The following CCNH variants were observed in gnomAD, a reference collection of about 807,000 sequenced individuals.
The protein encoded by CCNH is cyclin H.
In CCNH, 31 loss-of-function variants were observed where a neutral mutation model predicts 41.9. That is an observed-to-expected ratio of 0.74 (90% CI 0.56 to 1.00). The LOEUF (loss-of-function observed/expected upper bound fraction) is 1.00. Among genes scored for constraint, CCNH ranks in the 50% least tolerant of loss-of-function variants. CCNH has a pLI of 0.00. For missense variants in CCNH, 362 were observed against 388.4 expected, an observed-to-expected ratio of 0.93 and a Z score of 0.57; for synonymous variants, 138 against 136.1, an observed-to-expected ratio of 1.01 and a Z score of -0.10.
chr5:87,320,053 C>A (rs182232692), intron 9 of CCNH, among the ~76,000 whole-genome samples: 3 of 152,308 alleles, frequency 2.0e-5, no homozygotes, highest in African/African-American at 7.2e-5. Flanking sequence ...ATCTCTAGGG[C>A]AGGGGCACAA....
At chr5:87,330,896 C>T (rs1380687661) in intron 9 of CCNH, 1 of 1,245,646 alleles carries the variant, frequency 8.0e-7, no homozygotes, top group African/African-American at 1.5e-5. Flanking sequence ...TGTCGCAGGG[C>T]ACAAACACTA....
At chr5:87,315,913 T>C (rs1289549462), downstream of CCNH, among the ~76,000 whole-genome samples, 4 of 152,212 alleles carry the variant, frequency 2.6e-5, no homozygotes, top group Non-Finnish European at 5.9e-5. Context: ...TTTCTAATTA[T>C]TGAAAGTCAT....
At chr5:87,327,960 C>G (rs1339436584) in intron 9 of CCNH, among the ~76,000 whole-genome samples, 2 of 150,202 alleles carry the variant, frequency 1.3e-5, no homozygotes, top group African/African-American at 4.9e-5. Context: ...GAGCAAGACT[C>G]CGTTTCCCAA....
At chr5:87,337,413 G>C (rs1186178332) in intron 9 of CCNH, among the ~76,000 whole-genome samples, 1 of 151,992 alleles carries the variant, frequency 6.6e-6, no homozygotes, top group African/African-American at 2.4e-5. Flanking sequence ...TGGATAATGG[G>C]TATCTGGGTG....
At chr5:87,394,664 C>T in intron 8 of CCNH, 180 bp from the exon 9 acceptor site, 1 of 1,396,186 alleles carries the variant, frequency 7.2e-7, no homozygotes, top group Non-Finnish European at 9.3e-7. Context: ...CCAGACTCCT[C>T]CAGTGAGGAA....
At chr5:87,368,042 T>C (rs1327117548) in intron 9 of CCNH, among the ~76,000 whole-genome samples, 1 of 152,182 alleles carries the variant, frequency 6.6e-6, no homozygotes, top group Non-Finnish European at 1.5e-5. Flanking sequence ...TTGTCAGTTT[T>C]AGAAAACTCT....
intron 9 of CCNH, among the ~76,000 whole-genome samples, chr5:87,325,278 C>T (rs1420281957): frequency 1.3e-5 from 2 of 152,134 alleles, no homozygotes; most frequent in Non-Finnish European, 2.9e-5. Context: ...CCCACCGGGT[C>T]GGGTCCCACC....
chr5:87,390,816 T>G, downstream of CCNH: 1 of 1,613,132 alleles, frequency 6.2e-7, no homozygotes, highest in Non-Finnish European at 8.5e-7. Context: ...TTGAAAAAGC[T>G]TCTGGCTATA....
chr5:87,338,091 G>C (rs749648509), intron 9 of CCNH: 5 of 1,611,696 alleles, frequency 3.1e-6, no homozygotes, highest in Non-Finnish European at 4.2e-6. Context: ...TAGAAGAGGT[G>C]GTAAGTTTTG....
rs1294177035 is a variant in CCNH at position 87,409,368 on chromosome 5, G to A, written c.241-5C>T. 6 of 1,502,256 alleles carry A rather than the reference G, an allele frequency of 4.0e-6. No individual in the cohort carries two copies. Among genetic ancestry groups the A allele is most frequent in the African/African-American group, 1.4e-5 (1 of 72,066 alleles). The allele number at this position is 1,502,256 out of a possible 1,614,324, so 93.1% of individuals were successfully genotyped here. ...GAAATACATACAAGCCGTACCCTAA[G>A]GGTTAAAAAAAATATATCATCAGGA... On this transcript the variant is annotated splice_polypyrimidine_tract_variant and splice_region_variant and intron_variant, in intron 2 of 8. Coordinates refer to ENST00000256897, the MANE Select transcript of CCNH (RefSeq NM_001239.4).
chr5:87,379,859 TGAAATTTTCATTTGACAA>T (rs781396921), upstream of CCNH: 1 of 1,610,970 alleles, frequency 6.2e-7, no homozygotes, highest in South Asian at 1.1e-5. Context: ...CCGTAAGTGG[TGAAATTTTCATTTGACAA>T]GAAATTGTGT....
In CCNH at chr5:87,346,863, C is replaced by G. The variant is rs563512986; in HGVS notation, c.*91-27966G>C. 13 of 563,108 alleles carry G rather than the reference C, an allele frequency of 2.3e-5. No homozygotes were observed. The East Asian group carries it at 3.8e-4, about 16-fold the overall frequency. The allele number at this position is 563,108 out of a possible 1,614,324, so 34.9% of individuals were successfully genotyped here. ...TAATTTCGTGTCCAGTACTAAGAAG[C>G]TGGTGTTTTTATTTATATTTTAAAC... On this transcript the variant is annotated intron_variant and NMD_transcript_variant, in intron 9 of 9. Coordinates refer to the CCNH transcript ENST00000645953.
At position 87,344,678 on chromosome 5, in the gene CCNH, AT is replaced by A. The variant is rs113174684; in HGVS notation, c.*91-25782del. Reference sequence around the variant, plus strand: ...ACCACCACACCTGGCAAATGTTGTAATTTTTTTTTTTTTTTTTTTTTGTAAA... The same window carrying A: ...ACCACCACACCTGGCAAATGTTGTAATTTTTTTTTTTTTTTTTTTTGTAAA... On this transcript the variant is annotated intron_variant and NMD_transcript_variant, in intron 9 of 9. Coordinates refer to the CCNH transcript ENST00000645953. Among the ~76,000 whole-genome samples the A allele has an allele frequency of 9.6e-3, 1,253 of 131,194 alleles. 10 individuals are homozygous for A. Among genetic ancestry groups the A allele is most frequent in the African/African-American group, 0.023 (826 of 35,368 alleles). The allele number at this position is 131,194 out of a possible 152,430, so 86.1% of individuals were successfully genotyped here.
At chr5:87,376,133 G>T, downstream of CCNH, 1 of 501,374 alleles carries the variant, frequency 2.0e-6, no homozygotes. Flanking sequence ...TTGATTTCTT[G>T]CCTTCTTGAC....
intron 4 of CCNH, among the ~76,000 whole-genome samples, chr5:87,406,254 A>G (rs947091895): frequency 3.3e-5 from 5 of 152,046 alleles, no homozygotes; most frequent in African/African-American, 1.2e-4. Context: ...TCCAAATCCC[A>G]TGCCAACCCC....
intron 9 of CCNH, chr5:87,337,905 G>T: frequency 6.9e-7 from 1 of 1,452,142 alleles, no homozygotes; most frequent in Non-Finnish European, 9.3e-7. Context: ...CTATTTTGTG[G>T]TATATGACTA....
At chr5:87,334,540 A>C (rs1757827808) in intron 9 of CCNH, among the ~76,000 whole-genome samples, 1 of 152,246 alleles carries the variant, frequency 6.6e-6, no homozygotes. Context: ...CCATGAGATC[A>C]GATTATTTTC....
At chr5:87,320,106 T>C (rs1756674125) in intron 9 of CCNH, among the ~76,000 whole-genome samples, 1 of 152,296 alleles carries the variant, frequency 6.6e-6, no homozygotes, top group Middle Eastern at 3.4e-3. Context: ...TGACCGTTAC[T>C]CTGGTTCCCA....
intron 8 of CCNH, chr5:87,394,705 GATTATTC>G: frequency 1.5e-6 from 2 of 1,336,090 alleles, no homozygotes; most frequent in Non-Finnish European, 9.6e-7. Context: ...TTTTGCCTCT[GATTATTC>G]ACTTATTTGA....
Sources: gnomAD v4.1 joint callset for allele counts (sites outside exome capture counted in the v4.1 genomes callset) on GRCh38, gnomAD v4.1.1 for gene constraint, MANE v1.5 for transcripts, NCBI Gene and HGNC (gene_info 2026-07-23, HGNC 2026-07-21) for gene names.